Variants in AKT3 observed in about 807,000 individuals in gnomAD.
AKT3 encodes the protein RAC-gamma serine/threonine-protein kinase.
In AKT3, 15 loss-of-function variants were observed where a neutral mutation model predicts 65.3. The observed-to-expected ratio is 0.23, with a 90% confidence interval of 0.15 to 0.35. AKT3 has a LOEUF of 0.35. Ranked by LOEUF, AKT3 falls within the 10% of genes least tolerant of loss-of-function variation. The pLI is 1.00. For synonymous variants in AKT3, 206 were observed against 183.8 expected (o/e 1.12, Z -0.98); for missense variants, 243 against 576.5 (o/e 0.42, Z 5.92).
At chr1:243,829,047 C>T (rs1694343762) in intron 2 of AKT3, among the ~76,000 whole-genome samples, 1 of 152,152 alleles carries the variant, frequency 6.6e-6, no homozygotes, top group Admixed American at 6.6e-5. Context: ...GTAAAAGTCT[C>T]ATTTTCTTAA....
intron 2 of AKT3, among the ~76,000 whole-genome samples, chr1:243,784,022 C>CTT (rs1691087125): frequency 6.6e-6 from 1 of 151,990 alleles, no homozygotes; most frequent in Non-Finnish European, 1.5e-5. Context: ...ATACACTGAA[C>CTT]TTATATTCTA....
At chr1:243,606,287 C>T (rs959136219) in intron 8 of AKT3, among the ~76,000 whole-genome samples, 6 of 152,166 alleles carry the variant, frequency 3.9e-5, no homozygotes, top group African/African-American at 1.4e-4. Flanking sequence ...CAAAAGAAGA[C>T]AGAAAAACGT....
chr1:243,657,662 A>T (rs1168643666), intron 4 of AKT3, among the ~76,000 whole-genome samples: 9 of 152,196 alleles, frequency 5.9e-5, no homozygotes, highest in African/African-American at 1.7e-4. Flanking sequence ...TCGTATGGAA[A>T]CCATAAAGAA....
intron 2 of AKT3, among the ~76,000 whole-genome samples, chr1:243,751,810 T>G (rs779053940): frequency 3.4e-4 from 52 of 152,304 alleles, no homozygotes; most frequent in Non-Finnish European, 5.7e-4. Context: ...AAGTAGGCTG[T>G]AGCTATTCCA....
At chr1:243,628,695 A>G (rs1317493608) in intron 6 of AKT3, among the ~76,000 whole-genome samples, 1 of 152,212 alleles carries the variant, frequency 6.6e-6, no homozygotes, top group Admixed American at 6.5e-5. Context: ...AGTGTCTTAC[A>G]AAGAGCTCTC....
chr1:243,604,749 A>G (rs1047153977), intron 8 of AKT3, among the ~76,000 whole-genome samples: 1 of 152,130 alleles, frequency 6.6e-6, no homozygotes, highest in Non-Finnish European at 1.5e-5. Flanking sequence ...GTATTTTCTC[A>G]TCTATCTCCC....
chr1:243,609,624 C>T (rs541453318), intron 8 of AKT3, among the ~76,000 whole-genome samples: 16 of 152,312 alleles, frequency 1.1e-4, no homozygotes, highest in Middle Eastern at 3.4e-3. Flanking sequence ...TACCACTGTA[C>T]TCCAGACAGG....
At chr1:243,513,903 G>A (rs1285567701) in intron 12 of AKT3, among the ~76,000 whole-genome samples, 1 of 152,180 alleles carries the variant, frequency 6.6e-6, no homozygotes, top group Non-Finnish European at 1.5e-5. Context: ...TCACTCCACT[G>A]CTAGAAACCC....
At chr1:243,572,511 T>C (rs1399239746) in intron 9 of AKT3, among the ~76,000 whole-genome samples, 1 of 152,238 alleles carries the variant, frequency 6.6e-6, no homozygotes, top group Non-Finnish European at 1.5e-5. Context: ...ATGGTTATTA[T>C]ATTAAAATGC....
At chr1:243,642,464 C>T (rs572868344) in intron 5 of AKT3, among the ~76,000 whole-genome samples, 61 of 152,290 alleles carry the variant, frequency 4.0e-4, no homozygotes, top group Admixed American at 2.5e-3. Flanking sequence ...CGCCCGCCAC[C>T]ACGCCTGGTT....
chr1:243,779,028 A>C (rs991452372), intron 2 of AKT3, among the ~76,000 whole-genome samples: 1 of 151,982 alleles, frequency 6.6e-6, no homozygotes, highest in Non-Finnish European at 1.5e-5. Flanking sequence ...TTTCCTATTA[A>C]TGGACATTTG....
At chr1:243,774,227 T>A (rs1345453042) in intron 2 of AKT3, among the ~76,000 whole-genome samples, 2 of 152,222 alleles carry the variant, frequency 1.3e-5, no homozygotes, top group African/African-American at 4.8e-5. Flanking sequence ...CTGTGAAATA[T>A]AAACACCTGC....
chr1:243,533,258 T>TA (rs772819397), intron 12 of AKT3, among the ~76,000 whole-genome samples: 1 of 152,076 alleles, frequency 6.6e-6, no homozygotes, highest in Admixed American at 6.5e-5. Context: ...CACATGGAAC[T>TA]AAAAAAATGT....
chr1:243,639,072 A>G (rs1450187162), intron 5 of AKT3, among the ~76,000 whole-genome samples: 3 of 152,164 alleles, frequency 2.0e-5, no homozygotes, highest in Non-Finnish European at 4.4e-5. Flanking sequence ...TACAGATATT[A>G]AAAGAAACGT....
At chr1:243,662,662 T>A (rs1572128611) in intron 4 of AKT3, among the ~76,000 whole-genome samples, 1 of 151,692 alleles carries the variant, frequency 6.6e-6, no homozygotes. Flanking sequence ...CATATGTAAC[T>A]AACCTGCACA....
Position 243,685,824 on chromosome 1 carries a change from T to C in AKT3, c.172+9767A>G, listed in dbSNP as rs533786329. 2.6e-5 allele frequency among the ~76,000 whole-genome samples: 4 copies of C among 152,276 alleles called. No individual in the cohort carries two copies. The South Asian group carries it at 6.2e-4, about 24-fold the overall frequency. ...AGAGAGGAAGTCAAATTATCTCTGT[T>C]TGCAGATGCCATGATTGTATATTTA... is the stretch of plus-strand genomic sequence containing the variant. On this transcript the variant is annotated intron_variant, in intron 3 of 13. Coordinates refer to ENST00000673466, the MANE Select transcript of AKT3 (RefSeq NM_005465.7).
At chr1:243,769,010 TCATCCCC>T (rs1392332465) in intron 2 of AKT3, among the ~76,000 whole-genome samples, 39 of 45,726 alleles carry the variant, frequency 8.5e-4, no homozygotes, top group Admixed American at 7.2e-3. Flanking sequence ...CTCCATTCCC[TCATCCCC>T]TCATCTCCTG....
chr1:243,508,108 A>G (rs1391355346), intron 13 of AKT3, among the ~76,000 whole-genome samples: 4 of 152,226 alleles, frequency 2.6e-5, no homozygotes, highest in Non-Finnish European at 5.9e-5. Context: ...GGGAGCTGCA[A>G]CGGTTTCTTA....
chr1:243,782,993 C>T (rs1691008050), intron 2 of AKT3, among the ~76,000 whole-genome samples: 1 of 152,256 alleles, frequency 6.6e-6, no homozygotes, highest in South Asian at 2.1e-4. Flanking sequence ...CTCCTGGGTC[C>T]CTAGCACAGA....
Sources: gnomAD v4.1 joint callset for allele counts (sites outside exome capture counted in the v4.1 genomes callset) on GRCh38, gnomAD v4.1.1 for gene constraint, MANE v1.5 for transcripts, NCBI Gene and HGNC (gene_info 2026-07-23, HGNC 2026-07-21) for gene names.